The following CEP112 variants were observed in gnomAD, a reference collection of about 807,000 sequenced individuals.
CEP112 encodes the protein centrosomal protein 112, also known as centrosomal protein of 112 kDa.
A neutral mutation model predicts 153.0 loss-of-function variants in CEP112; 127 were observed. The observed-to-expected ratio is 0.83, with a 90% confidence interval of 0.72 to 0.96. The LOEUF (loss-of-function observed/expected upper bound fraction) is 0.96, where lower values mean the gene tolerates loss of function less well. Among genes scored for constraint, CEP112 ranks in the 40% least tolerant of loss-of-function variants. The probability of loss-of-function intolerance (pLI) is 0.00; values close to 1 mark genes in which losing one functional copy is unlikely to be tolerated. For missense variants in CEP112, 1,089 were observed against 1,101.2 expected (o/e 0.99, Z 0.16); for synonymous variants, 358 against 374.4 (o/e 0.96, Z 0.51).
chr17:66,154,610 C>G (rs1222107065), intron 4 of CEP112, among the ~76,000 whole-genome samples: 1 of 152,138 alleles, frequency 6.6e-6, no homozygotes, highest in East Asian at 1.9e-4. Context: ...TACCTCACTT[C>G]ATACATAAAA....
intron 19 of CEP112, among the ~76,000 whole-genome samples, chr17:65,922,463 T>C (rs2060768013): frequency 6.6e-6 from 1 of 152,198 alleles, no homozygotes; most frequent in South Asian, 2.1e-4. Context: ...TTGGCGTTTT[T>C]TTCTTATTGT....
chr17:65,893,900 C>T (rs1203594445), intron 20 of CEP112, among the ~76,000 whole-genome samples: 3 of 152,030 alleles, frequency 2.0e-5, no homozygotes, highest in Non-Finnish European at 2.9e-5. Context: ...CTTCAATTTG[C>T]CAGCTCTTTG....
chr17:65,684,981 C>T (rs1468506974), intron 24 of CEP112, among the ~76,000 whole-genome samples: 4 of 152,156 alleles, frequency 2.6e-5, no homozygotes, highest in African/African-American at 7.2e-5. Context: ...TTTTAAATTG[C>T]TGTTTATTGA....
chr17:65,706,560 G>C (rs1030765743), intron 23 of CEP112, among the ~76,000 whole-genome samples: 1 of 152,182 alleles, frequency 6.6e-6, no homozygotes, highest in African/African-American at 2.4e-5. Flanking sequence ...AGGCTTAACA[G>C]GTTCAAAACT....
At chr17:65,796,687 T>C (rs753198493) in intron 21 of CEP112, among the ~76,000 whole-genome samples, 1 of 151,764 alleles carries the variant, frequency 6.6e-6, no homozygotes, top group Non-Finnish European at 1.5e-5. Context: ...AAGTCGAATA[T>C]TGTAAAAATG....
intron 23 of CEP112, among the ~76,000 whole-genome samples, chr17:65,741,929 C>CT (rs993282165): frequency 6.8e-4 from 98 of 143,758 alleles, no homozygotes; most frequent in Non-Finnish European, 1.1e-3. Context: ...AAAAATCTCT[C>CT]TTTTTTTTTT....
chr17:65,782,229 C>A (rs1230994155), intron 21 of CEP112, among the ~76,000 whole-genome samples: 1 of 151,954 alleles, frequency 6.6e-6, no homozygotes, highest in Non-Finnish European at 1.5e-5. Context: ...AAGTGGCCAA[C>A]AAACATATGA....
chr17:65,711,800 C>T (rs2049198040), intron 23 of CEP112, among the ~76,000 whole-genome samples: 1 of 152,166 alleles, frequency 6.6e-6, no homozygotes, highest in Non-Finnish European at 1.5e-5. Flanking sequence ...GTTGGGAGCT[C>T]ATTCACGATC....
chr17:65,750,780 T>G, intron 21 of CEP112, 56 bp from the exon 22 acceptor site: 84 of 1,500,600 alleles, frequency 5.6e-5, no homozygotes, highest in Non-Finnish European at 6.9e-5. Context: ...TTGGTATCTC[T>G]TCCACATGCC....
intron 17 of CEP112, among the ~76,000 whole-genome samples, chr17:65,992,205 C>T (rs2063619561): frequency 6.6e-6 from 1 of 151,894 alleles, no homozygotes. Flanking sequence ...AAGATTAATC[C>T]CTATTTCCCC....
At chr17:66,109,591 C>T (rs1273215040) in intron 6 of CEP112, among the ~76,000 whole-genome samples, 1 of 151,786 alleles carries the variant, frequency 6.6e-6, no homozygotes, top group Non-Finnish European at 1.5e-5. Flanking sequence ...ATACCCTAGA[C>T]CTTTATAGAG....
At chr17:65,699,622 GT>G (rs566329872) in intron 23 of CEP112, among the ~76,000 whole-genome samples, 6 of 152,012 alleles carry the variant, frequency 3.9e-5, no homozygotes, top group Non-Finnish European at 8.8e-5. Context: ...CATTTCTTTT[GT>G]TTGTTTGTTT....
chr17:65,752,002 CTACT>C (rs1267802441), intron 21 of CEP112, among the ~76,000 whole-genome samples: 111 of 135,460 alleles, frequency 8.2e-4, no homozygotes, highest in African/African-American at 3.0e-3. Flanking sequence ...ATCTATCTAT[CTACT>C]GTTCCTTTCA....
chr17:65,808,327 C>T (rs2055736773), intron 21 of CEP112, among the ~76,000 whole-genome samples: 1 of 152,110 alleles, frequency 6.6e-6, no homozygotes, highest in African/African-American at 2.4e-5. Context: ...GTGGAAGGGA[C>T]TTGTCTTAGC....
At chr17:65,997,371 T>A (rs1598052034) in intron 17 of CEP112, among the ~76,000 whole-genome samples, 1 of 152,190 alleles carries the variant, frequency 6.6e-6, no homozygotes, top group East Asian at 1.9e-4. Flanking sequence ...AAGTGTGTCA[T>A]CCCTGACAAC....
chr17:65,660,508 TTC>T (rs1316279845), intron 24 of CEP112, among the ~76,000 whole-genome samples: 3 of 137,448 alleles, frequency 2.2e-5, no homozygotes, highest in Admixed American at 7.6e-5. Flanking sequence ...CCTTCCTTCC[TTC>T]CTTCCTTCTT....
chr17:66,016,482 C>A (rs2064779835), intron 16 of CEP112, among the ~76,000 whole-genome samples: 1 of 152,056 alleles, frequency 6.6e-6, no homozygotes, highest in African/African-American at 2.4e-5. Context: ...GGTTACACTG[C>A]TCTACTGAGG....
At chr17:65,818,250 T>C (rs141859916) in intron 21 of CEP112, among the ~76,000 whole-genome samples, 78 of 152,004 alleles carry the variant, frequency 5.1e-4, no homozygotes, top group African/African-American at 1.9e-3. Context: ...TTACTTTGCT[T>C]TCCTCAGGTA....
chr17:66,034,976 GTA>G (rs1555777549), intron 12 of CEP112, among the ~76,000 whole-genome samples: 1 of 13,428 alleles, frequency 7.4e-5, no homozygotes, highest in Non-Finnish European at 1.6e-4. Flanking sequence ...GTTTTTGCAT[GTA>G]TATATATATA....
Sources: gnomAD v4.1 joint callset for allele counts (sites outside exome capture counted in the v4.1 genomes callset) on GRCh38, gnomAD v4.1.1 for gene constraint, MANE v1.5 for transcripts, NCBI Gene and HGNC (gene_info 2026-07-23, HGNC 2026-07-21) for gene names.